RNASE9: variants seen among roughly 807,000 people sequenced by gnomAD.
The protein encoded by RNASE9 is ribonuclease A family member 9 (inactive).
For missense variants in RNASE9, 263 were observed against 247.1 expected, an observed-to-expected ratio of 1.06 and a Z score of -0.43; for synonymous variants, 95 against 87.6, an observed-to-expected ratio of 1.08 and a Z score of -0.47.
exon 3 of RNASE9, chr14:20,556,995 C>T (rs1163961819): frequency 1.2e-6 from 2 of 1,614,072 alleles, no homozygotes; most frequent in Middle Eastern, 1.6e-4. Flanking sequence ...CCTCTTGAAA[C>T]TGCACCAGCT....
At chr14:20,556,515 G>A (rs746609653) in exon 3 of RNASE9, 5 of 1,613,546 alleles carry the variant, frequency 3.1e-6, no homozygotes, top group African/African-American at 1.3e-5. Flanking sequence ...GTGGCTCCAC[G>A]AGATCATTTA....
chr14:20,556,329 G>A (rs1037272059), exon 3 of RNASE9: 4 of 719,146 alleles, frequency 5.6e-6, no homozygotes, highest in Non-Finnish European at 9.2e-6. Flanking sequence ...TGTTGGGAAA[G>A]GAAGAAAGGA....
intron 2 of RNASE9, chr14:20,558,685 C>G: frequency 1.7e-6 from 2 of 1,162,834 alleles, no homozygotes; most frequent in Non-Finnish European, 2.5e-6. Context: ...GTGTGAAAAG[C>G]AGAATTCAGG....
chr14:20,559,279 T>C (rs1274933755), intron 2 of RNASE9, among the ~76,000 whole-genome samples: 1 of 151,150 alleles, frequency 6.6e-6, no homozygotes, highest in East Asian at 2.0e-4. Flanking sequence ...CATTTTGATA[T>C]CTCATAAAGC....
chr14:20,558,529 T>C, exon 3 of RNASE9: 1 of 1,538,348 alleles, frequency 6.5e-7, no homozygotes, highest in Non-Finnish European at 8.8e-7. Context: ...CTCCCATCCC[T>C]GCTTTCACAC....
chr14:20,559,213 T>G (rs1252864841), intron 2 of RNASE9, among the ~76,000 whole-genome samples: 3 of 152,072 alleles, frequency 2.0e-5, no homozygotes, highest in African/African-American at 7.2e-5. Context: ...GCCTATCAAG[T>G]AGCTGGGCCT....
chr14:20,558,663 T>C (rs528030065), intron 2 of RNASE9: 2 of 1,356,006 alleles, frequency 1.5e-6, no homozygotes, highest in Admixed American at 3.9e-5. Flanking sequence ...GGAGAGAACA[T>C]GGACAGTACA....
exon 3 of RNASE9, chr14:20,556,832 T>C (rs766902888): frequency 1.2e-6 from 2 of 1,614,086 alleles, no homozygotes; most frequent in African/African-American, 1.3e-5. Flanking sequence ...CAGTACTCTA[T>C]ATGATTTAGT....
At chr14:20,559,965 G>A (rs1384090317) in intron 1 of RNASE9, among the ~76,000 whole-genome samples, 17 of 152,108 alleles carry the variant, frequency 1.1e-4, no homozygotes, top group Admixed American at 1.1e-3. Context: ...AAAGGCCTTG[G>A]AGGGGTTGTC....
At chr14:20,558,055 A>G (rs1364241876) in exon 3 of RNASE9, 2 of 209,432 alleles carry the variant, frequency 9.5e-6, no homozygotes, top group Non-Finnish European at 2.0e-5. Flanking sequence ...GTCAAACACA[A>G]TGACTACTGA....
At position 20,556,830 on chromosome 14, in the gene RNASE9, T is replaced by G. The variant is rs927497509; in HGVS notation, c.240A>C (p.Ile80=). Reference sequence around the variant, plus strand: ...CCATGATTTCATGGTTACAGTACTCTATATGATTTAGTGGCATTCCAGGTT... The same window carrying G: ...CCATGATTTCATGGTTACAGTACTCGATATGATTTAGTGGCATTCCAGGTT... The change falls in exon 3 of 3, where the codon ATA becomes ATC. Residue 80 remains isoleucine (I), a synonymous_variant. Transcript: ENST00000555230. 19 of 1,614,076 alleles carry G rather than the reference T, an allele frequency of 1.2e-5. 1 individual carries two copies. The African/African-American group carries it at 2.5e-4, about 22-fold the overall frequency.
exon 3 of RNASE9, chr14:20,558,475 T>C (rs570094630): frequency 2.6e-6 from 3 of 1,138,596 alleles, no homozygotes; most frequent in Admixed American, 4.0e-5. Flanking sequence ...ATGGGCACTC[T>C]GGGGCGGCCA....
At chr14:20,559,991 C>T (rs917459660) in intron 1 of RNASE9, among the ~76,000 whole-genome samples, 2 of 152,058 alleles carry the variant, frequency 1.3e-5, no homozygotes, top group African/African-American at 4.8e-5. Context: ...AGTCTCTCCT[C>T]CTAAAATGCA....
chr14:20,559,902 C>T (rs576748114), intron 1 of RNASE9, among the ~76,000 whole-genome samples: 6 of 152,260 alleles, frequency 3.9e-5, no homozygotes, highest in South Asian at 4.1e-4. Context: ...CTTTTCTTCC[C>T]TGCTTTTAAA....
At chr14:20,558,017 G>A (rs905530147) in exon 3 of RNASE9, 6 of 178,176 alleles carry the variant, frequency 3.4e-5, no homozygotes, top group African/African-American at 1.4e-4. Flanking sequence ...CCCTTCTTAA[G>A]GCTAGACTGT....
intron 2 of RNASE9, among the ~76,000 whole-genome samples, chr14:20,559,179 C>T (rs895511895): frequency 2.6e-5 from 4 of 151,824 alleles, no homozygotes; most frequent in African/African-American, 7.3e-5. Flanking sequence ...CTCAGAACTC[C>T]GGGGTTCAAG....
exon 3 of RNASE9, chr14:20,556,176 C>T (rs1256191132): frequency 2.8e-6 from 1 of 357,060 alleles, no homozygotes; most frequent in Non-Finnish European, 5.1e-6. Context: ...GCAACCATTT[C>T]CTTTTCCTCT....
chr14:20,556,647 A>C lies in RNASE9; in HGVS notation c.423T>G (p.Tyr141Ter). ...TTTCAAATGCTTCTGTTAAATTACA[A>C]TACACTCCTTCTACAAGACCTTTGC... Residue 141 changes from tyrosine (Y) to a stop codon, truncating the protein, a stop_gained, in exon 3 of 3, where the codon TAT (tyrosine) becomes TAG (stop). Transcript: ENST00000555230. LOFTEE classifies it low-confidence loss of function (END_TRUNC). 2 of 1,613,386 alleles carry C rather than the reference A, an allele frequency of 1.2e-6. No individual in the cohort carries two copies. The highest frequency in any genetic ancestry group is 1.7e-6 in the Non-Finnish European group (2 of 1,179,412).
intron 2 of RNASE9, 122 bp downstream of exon 2, chr14:20,559,460 A>T (rs1055707409): frequency 7.0e-6 from 1 of 143,604 alleles, no homozygotes; most frequent in Non-Finnish European, 1.5e-5. Flanking sequence ...AGAGAGAGAC[A>T]GGGAAGCAGT....
Sources: gnomAD v4.1 joint callset for allele counts (sites outside exome capture counted in the v4.1 genomes callset) on GRCh38, gnomAD v4.1.1 for gene constraint, MANE v1.5 for transcripts, NCBI Gene and HGNC (gene_info 2026-07-23, HGNC 2026-07-21) for gene names.